HUNK: variants seen among roughly 807,000 people sequenced by gnomAD.
The protein encoded by HUNK is hormonally up-regulated neu tumor-associated kinase.
Under a neutral mutation model 61.0 loss-of-function variants are expected in HUNK, and 21 were observed. The observed-to-expected ratio is 0.34, with a 90% CI of 0.24 to 0.50. The LOEUF is 0.50. HUNK is among the 20% of genes least tolerant of loss of function. HUNK has a pLI of 0.98. For synonymous variants in HUNK, 371 were observed against 386.1 expected, an observed-to-expected ratio of 0.96 and a Z score of 0.46; for missense variants, 772 against 945.7, an observed-to-expected ratio of 0.82 and a Z score of 2.41.
At chr21:31,877,779 G>C (rs1293733940) in intron 1 of HUNK, among the ~76,000 whole-genome samples, 2 of 152,168 alleles carry the variant, frequency 1.3e-5, no homozygotes, top group Admixed American at 6.5e-5. Context: ...GAAACACCTG[G>C]AGTGGTTGTG....
chr21:31,973,806 A>G (rs2053029888), intron 6 of HUNK, among the ~76,000 whole-genome samples: 1 of 152,132 alleles, frequency 6.6e-6, no homozygotes, highest in African/African-American at 2.4e-5. Flanking sequence ...TGACTAAGTG[A>G]ATTTACATCC....
intron 1 of HUNK, among the ~76,000 whole-genome samples, chr21:31,910,206 C>CT (rs1387396284): frequency 5.3e-5 from 8 of 152,274 alleles, no homozygotes; most frequent in African/African-American, 1.9e-4. Context: ...TTGATGTTGT[C>CT]TGAGTTCTGC....
At chr21:31,913,639 A>G (rs1317171451) in intron 1 of HUNK, among the ~76,000 whole-genome samples, 1 of 151,944 alleles carries the variant, frequency 6.6e-6, no homozygotes, top group East Asian at 1.9e-4. Context: ...GGCCAGAGGC[A>G]CGTCAGAGCT....
intron 4 of HUNK, among the ~76,000 whole-genome samples, chr21:31,953,027 A>G (rs1460614023): frequency 2.0e-5 from 3 of 151,998 alleles, no homozygotes; most frequent in Non-Finnish European, 4.4e-5. Context: ...ACTCCTACTA[A>G]TTCTATGGGA....
At chr21:31,966,350 G>A (rs1363176923) in intron 5 of HUNK, among the ~76,000 whole-genome samples, 2 of 152,164 alleles carry the variant, frequency 1.3e-5, no homozygotes, top group Non-Finnish European at 2.9e-5. Context: ...ATTTGGGCTG[G>A]TTCCATATTT....
intron 2 of HUNK, among the ~76,000 whole-genome samples, chr21:31,939,399 GTTTTTT>G (rs398036365): frequency 3.0e-5 from 2 of 66,720 alleles, no homozygotes; most frequent in African/African-American, 7.1e-5. Context: ...GCTTTCATGT[GTTTTTT>G]TTTTTTTTTT....
At chr21:31,902,238 C>T (rs1358192223) in intron 1 of HUNK, among the ~76,000 whole-genome samples, 7 of 152,112 alleles carry the variant, frequency 4.6e-5, no homozygotes, top group African/African-American at 7.2e-5. Flanking sequence ...CGGCCGGGCG[C>T]GGTGGCTCAC....
rs141905229 is a variant in HUNK at position 31,876,139 on chromosome 21, G to A, written c.261+2204G>A. 2.8e-3 allele frequency among the ~76,000 whole-genome samples: 424 copies of A among 152,274 alleles called. 2 individuals are homozygous for A. The highest frequency in any genetic ancestry group is 9.6e-3 in the African/African-American group (398 of 41,550). On this transcript the variant is annotated intron_variant, in intron 1 of 10. Coordinates refer to ENST00000270112, the MANE Select transcript of HUNK (RefSeq NM_014586.2). ...AAATGATGAATCTCACTTCATTGTT[G>A]CAATGACAGGAGATGTTAATTGGAT...
chr21:31,881,353 G>A (rs367969596), intron 1 of HUNK, among the ~76,000 whole-genome samples: 2 of 152,132 alleles, frequency 1.3e-5, no homozygotes, highest in Non-Finnish European at 2.9e-5. Context: ...ATGGCCAGGC[G>A]TGGTGGCTCA....
chr21:31,961,696 C>T (rs1352681282), intron 5 of HUNK, among the ~76,000 whole-genome samples: 2 of 152,172 alleles, frequency 1.3e-5, no homozygotes, highest in African/African-American at 4.8e-5. Flanking sequence ...ATAAATATTG[C>T]CATCTCTCAG....
At chr21:31,934,943 G>A (rs1034209928) in intron 2 of HUNK, among the ~76,000 whole-genome samples, 9 of 152,034 alleles carry the variant, frequency 5.9e-5, no homozygotes, top group Non-Finnish European at 1.0e-4. Context: ...GTGTCTTTGC[G>A]GTTGTGAATA....
intron 1 of HUNK, among the ~76,000 whole-genome samples, chr21:31,900,137 C>T (rs142324825): frequency 6.0e-4 from 92 of 152,214 alleles, no homozygotes; most frequent in African/African-American, 2.0e-3. Flanking sequence ...GTTTAATCCT[C>T]GTTCATTCTC....
intron 4 of HUNK, 45 bp from the exon 5 acceptor site, chr21:31,958,798 C>T (rs1257520869): frequency 2.6e-6 from 4 of 1,526,128 alleles, no homozygotes; most frequent in African/African-American, 1.4e-5. Flanking sequence ...CTTCCCCTCC[C>T]CAGGGGACCT....
rs994909771 is a variant in HUNK at position 31,881,004 on chromosome 21, C to T, written c.261+7069C>T. ...TTGAGAGGACTGGGATTTATATTTC[C>T]GCATCGGCCAGTCCTTGATGGGGGC... is the stretch of plus-strand genomic sequence containing the variant. On this transcript the variant is annotated intron_variant, in intron 1 of 10. Coordinates refer to ENST00000270112, the MANE Select transcript of HUNK (RefSeq NM_014586.2). Among the ~76,000 whole-genome samples the T allele has an allele frequency of 5.9e-5, 9 of 152,310 alleles. No individual in the cohort carries two copies. In the East Asian group the frequency reaches 1.2e-3, roughly 20 times the overall value.
rs1300294560 is a variant in HUNK, at chr21:31,925,508, T to C, written c.554+748T>C. Among the ~76,000 whole-genome samples, 3 of 152,226 alleles carry C rather than the reference T, an allele frequency of 2.0e-5. No homozygotes were observed. The East Asian group carries it at 5.8e-4, about 29-fold the overall frequency. ...GGCATGAGATTCGTGCTAGGGATGA[T>C]GGTGCTTTCATTGTCTTTGCTTTAC... On this transcript the variant is annotated intron_variant, in intron 2 of 10. Transcript: ENST00000270112.
At chr21:31,958,695 T>G in intron 4 of HUNK, 148 bp from the exon 5 acceptor site, 3 of 695,092 alleles carry the variant, frequency 4.3e-6, no homozygotes, top group Non-Finnish European at 7.0e-6. Flanking sequence ...AACATGACAC[T>G]GAGCATTCTA....
At position 31,902,535 on chromosome 21, in the gene HUNK, T is replaced by C. The variant is rs2052476033; in HGVS notation, c.262-21933T>C. On this transcript the variant is annotated intron_variant, in intron 1 of 10. Transcript: ENST00000270112. ...CCAAAAAAAAAAATCTTCTTCCTCG[T>C]AGGGCTTGTGGGAGTTACATGAAGC... 1.3e-5 allele frequency among the ~76,000 whole-genome samples: 2 copies of C among 152,112 alleles called. 1 individual carries two copies. Among genetic ancestry groups the C allele is most frequent in the South Asian group, 4.1e-4 (2 of 4,830 alleles).
chr21:31,889,588 C>T (rs956201998), intron 1 of HUNK, among the ~76,000 whole-genome samples: 1 of 152,186 alleles, frequency 6.6e-6, no homozygotes, highest in Non-Finnish European at 1.5e-5. Context: ...TTTGAAAACA[C>T]ATCTCCAGGT....
At chr21:31,970,414 G>A (rs2053001698) in intron 6 of HUNK, among the ~76,000 whole-genome samples, 1 of 152,172 alleles carries the variant, frequency 6.6e-6, no homozygotes, top group Admixed American at 6.5e-5. Flanking sequence ...AGGTTACCAA[G>A]GGAACCTGGA....
Sources: allele counts gnomAD v4.1 joint callset (sites outside exome capture counted in the v4.1 genomes callset), GRCh38; gene constraint gnomAD v4.1.1; transcripts MANE v1.5; gene names NCBI Gene and HGNC (gene_info 2026-07-23, HGNC 2026-07-21).